IFTAP: variants seen among roughly 807,000 people sequenced by gnomAD.
IFTAP encodes intraflagellar transport-associated protein.
In IFTAP, 19 loss-of-function variants were observed where a neutral mutation model predicts 19.4. That is an observed-to-expected ratio of 0.98 (90% confidence interval 0.68 to 1.44). IFTAP has a LOEUF of 1.44. Among genes scored for constraint, IFTAP ranks in the 40% most tolerant of loss-of-function variants. The pLI, the probability that IFTAP is intolerant of heterozygous loss-of-function variation, is 0.00. For missense variants in IFTAP, 240 were observed against 253.6 expected, an observed-to-expected ratio of 0.95 and a Z score of 0.36; for synonymous variants, 85 against 83.5, an observed-to-expected ratio of 1.02 and a Z score of -0.10.
intron 5 of IFTAP, among the ~76,000 whole-genome samples, chr11:36,653,034 A>G (rs1206010706): frequency 6.6e-6 from 1 of 152,066 alleles, no homozygotes; most frequent in Non-Finnish European, 1.5e-5. Context: ...TCATAGAAGA[A>G]ACTTGTGTGG....
chr11:36,637,760 G>A (rs1020725318), intron 4 of IFTAP, among the ~76,000 whole-genome samples: 1 of 152,070 alleles, frequency 6.6e-6, no homozygotes, highest in African/African-American at 2.4e-5. Flanking sequence ...TCATAAGAGG[G>A]CACAAAAGTA....
At chr11:36,652,156 TCATGATATTGATTCTTCCTATC>T in intron 5 of IFTAP, among the ~76,000 whole-genome samples, 1 of 152,344 alleles carries the variant, frequency 6.6e-6, no homozygotes, top group East Asian at 1.9e-4. Flanking sequence ...ATGACCATTT[TCATGATATTGATTCTTCCTATC>T]CATGAACATG....
chr11:36,603,374 T>C (rs1466934223), intron 1 of IFTAP, among the ~76,000 whole-genome samples: 6 of 152,196 alleles, frequency 3.9e-5, no homozygotes, highest in African/African-American at 9.7e-5. Context: ...GGTAAACTTT[T>C]AGTGATAATT....
At chr11:36,651,888 CTCTGT>C (rs1214883975) in intron 5 of IFTAP, among the ~76,000 whole-genome samples, 3 of 152,104 alleles carry the variant, frequency 2.0e-5, no homozygotes, top group African/African-American at 7.2e-5. Flanking sequence ...TTTCTGAGGG[CTCTGT>C]TCTGTTCCTT....
At chr11:36,604,845 T>A (rs1302634079) in intron 1 of IFTAP, among the ~76,000 whole-genome samples, 2 of 152,106 alleles carry the variant, frequency 1.3e-5, no homozygotes, top group African/African-American at 2.4e-5. Context: ...TAGATAACCT[T>A]CAGGTTTCTC....
intron 2 of IFTAP, among the ~76,000 whole-genome samples, chr11:36,629,716 T>C (rs987893634): frequency 3.3e-5 from 5 of 151,396 alleles, no homozygotes; most frequent in African/African-American, 1.2e-4. Flanking sequence ...TGTAACCTTT[T>C]TCTTTGGTCT....
chr11:36,606,722 A>G (rs1378204156), intron 1 of IFTAP, among the ~76,000 whole-genome samples: 1 of 152,242 alleles, frequency 6.6e-6, no homozygotes, highest in Non-Finnish European at 1.5e-5. Context: ...TCTGTTTGGT[A>G]TTTGTTTGCT....
intron 1 of IFTAP, chr11:36,595,058 A>G (rs1430611642): frequency 6.6e-6 from 1 of 152,186 alleles, no homozygotes; most frequent in East Asian, 1.9e-4. Flanking sequence ...TACATTTAGT[A>G]ATAGAAATAC....
chr11:36,620,295 G>A (rs1852245625), intron 2 of IFTAP, among the ~76,000 whole-genome samples: 1 of 151,954 alleles, frequency 6.6e-6, no homozygotes, highest in Admixed American at 6.6e-5. Context: ...TTATAGCAGA[G>A]TCCTGTGGAG....
chr11:36,648,814 C>A (rs1470534936), intron 5 of IFTAP, among the ~76,000 whole-genome samples: 1 of 152,124 alleles, frequency 6.6e-6, no homozygotes, highest in East Asian at 1.9e-4. Flanking sequence ...TTAATGTCGG[C>A]TCACATTCCA....
chr11:36,642,477 A>G lies in IFTAP; in HGVS notation c.359-5539A>G, dbSNP rs541368945. Among the ~76,000 whole-genome samples, 420 of 152,330 alleles carry G rather than the reference A, an allele frequency of 2.8e-3. 4 individuals are homozygous for G. The highest frequency in any genetic ancestry group is 3.7e-3 in the Admixed American group (57 of 15,302). ...TTCTGAAACTATTCCAATGAATAGG[A>G]AAAGAGGAAATCCTCCCTAACTCAT... On this transcript the variant is annotated intron_variant, in intron 4 of 5. Transcript: ENST00000334307.
intron 2 of IFTAP, among the ~76,000 whole-genome samples, chr11:36,618,919 A>C (rs1852195969): frequency 6.6e-6 from 1 of 151,944 alleles, no homozygotes; most frequent in Admixed American, 6.6e-5. Flanking sequence ...GTTGGGGAGA[A>C]AATGGAAAGC....
At chr11:36,637,590 C>T (rs1200487137) in intron 4 of IFTAP, among the ~76,000 whole-genome samples, 4 of 152,102 alleles carry the variant, frequency 2.6e-5, no homozygotes, top group African/African-American at 4.8e-5. Context: ...CTGGATCTCC[C>T]TCCCAATAGA....
chr11:36,597,651 C>T (rs1455088081), intron 1 of IFTAP: 1 of 152,118 alleles, frequency 6.6e-6, no homozygotes, highest in Non-Finnish European at 1.5e-5. Flanking sequence ...AAGAAAGATA[C>T]TGTACTGTGA....
chr11:36,608,223 G>A (rs993418437), intron 1 of IFTAP, among the ~76,000 whole-genome samples: 4 of 152,128 alleles, frequency 2.6e-5, no homozygotes, highest in Admixed American at 1.3e-4. Context: ...TTAGACTCTT[G>A]ACAGAATTTA....
At chr11:36,650,393 A>T (rs1223048745) in intron 5 of IFTAP, among the ~76,000 whole-genome samples, 3 of 151,968 alleles carry the variant, frequency 2.0e-5, no homozygotes, top group African/African-American at 7.2e-5. Flanking sequence ...TTTTAAATTA[A>T]CATATAATAA....
chr11:36,614,383 G>C (rs915512403), intron 2 of IFTAP, among the ~76,000 whole-genome samples: 18 of 148,658 alleles, frequency 1.2e-4, no homozygotes, highest in African/African-American at 4.6e-4. Flanking sequence ...AAACATACGT[G>C]TGCATGTGTC....
chr11:36,635,784 T>TCA (rs1187625979), intron 3 of IFTAP, among the ~76,000 whole-genome samples: 1 of 152,310 alleles, frequency 6.6e-6, no homozygotes, highest in Admixed American at 6.5e-5. Flanking sequence ...TTTAAAAAAC[T>TCA]CTCAGACTGC....
intron 4 of IFTAP, among the ~76,000 whole-genome samples, chr11:36,639,636 C>A (rs1853114064): frequency 6.6e-6 from 1 of 151,918 alleles, no homozygotes; most frequent in African/African-American, 2.4e-5. Context: ...CTCTTTTCAA[C>A]AATCAGTTCT....
Sources: gnomAD v4.1 joint callset for allele counts (sites outside exome capture counted in the v4.1 genomes callset) on GRCh38, gnomAD v4.1.1 for gene constraint, MANE v1.5 for transcripts, NCBI Gene and HGNC (gene_info 2026-07-23, HGNC 2026-07-21) for gene names.